The following WDR90 variants were observed in gnomAD, a reference collection of about 807,000 sequenced individuals.
WDR90 encodes WD repeat domain 90.
A neutral mutation model predicts 195.2 loss-of-function variants in WDR90; 238 were observed. That is an observed-to-expected ratio of 1.22 (90% CI 1.10 to 1.36). The LOEUF is 1.36. WDR90 is among the 40% of genes most tolerant of loss of function. The pLI, the probability that WDR90 is intolerant of heterozygous loss-of-function variation, is 0.00. For synonymous variants in WDR90, 1,265 were observed against 1,052.4 expected (o/e 1.20, Z -3.91); for missense variants, 2,734 against 2,439.5 (o/e 1.12, Z -2.54).
Position 662,335 on chromosome 16 carries a change from A to T in WDR90, c.4145+4A>T, listed in dbSNP as rs1249085436. 1.0e-5 allele frequency: 16 copies of T among 1,556,420 alleles called. No individual in the cohort carries two copies. Among genetic ancestry groups the T allele is most frequent in the Non-Finnish European group, 1.4e-5 (16 of 1,152,100 alleles). ...GGTGCAAGGGCTCAGGCGCCAGGTG[A>T]GCTGTTCACCCCTACGTGTTTTGGC... is the stretch of plus-strand genomic sequence containing the variant. On this transcript the variant is annotated splice_donor_region_variant and intron_variant, in intron 33 of 40. Transcript: ENST00000293879.
Position 659,367 on chromosome 16 carries a change from G to C in WDR90, c.3175G>C (p.Gly1059Arg). Reference protein sequence around the residue: ...RLGVCARPPEGGDGARDTRNS... With the variant: ...RLGVCARPPERGDGARDTRNS... ...GGGCGTCTGTGCCAGGCCTCCCGAA[G>C]GTGGCGATGGTGAGCAGCAGGGGTC... Residue 1059 changes from glycine to arginine, a missense_variant, in exon 26 of 41, where the codon GGT becomes CGT. Transcript: ENST00000293879. 3 of 1,591,636 alleles carry C rather than the reference G, an allele frequency of 1.9e-6. No homozygotes were observed. Among genetic ancestry groups the C allele is most frequent in the Non-Finnish European group, 2.6e-6 (3 of 1,170,264 alleles).
intron 33 of WDR90, 146 bp from the exon 34 acceptor site, chr16:662,533 A>G (rs2037939416): frequency 1.3e-5 from 17 of 1,267,280 alleles, no homozygotes; most frequent in East Asian, 4.8e-5. Flanking sequence ...CCCCAGCTCC[A>G]TGGGCTTTCT....
At position 666,315 on chromosome 16, in the gene WDR90, GC is replaced by G; in HGVS notation, c.4709del (p.Pro1570GlnfsTer15). On this transcript the variant is annotated frameshift_variant, in exon 37 of 41. Coordinates refer to ENST00000293879, the MANE Select transcript of WDR90 (RefSeq NM_145294.5). LOFTEE classifies it high-confidence loss of function. The stretch of plus-strand genomic sequence containing the variant: ...CCGTGTGCTGAGTGACCACCAGGGC[GC>G]CCCAATCTCTACCATCTGTGTCACG... ...TFRVLSDHQGAPISTICVTCK... is the reference protein window; with the variant it reads ...TFRVLSDHQGXPISTICVTCK... The G allele has an allele frequency of 6.2e-7, 1 of 1,612,700 alleles. No homozygotes were observed. Among genetic ancestry groups the G allele is most frequent in the Non-Finnish European group, 8.5e-7 (1 of 1,179,986 alleles).
At chr16:657,340 G>C (rs905151210) in intron 20 of WDR90, 119 bp downstream of exon 20, 87 of 1,404,252 alleles carry the variant, frequency 6.2e-5, no homozygotes, top group Non-Finnish European at 7.4e-5. Context: ...GGTCCTGTGG[G>C]GGGGCGTGGC....
rs1190214832 is a variant in WDR90, at chr16:661,066, C to G, written c.3407C>G (p.Thr1136Arg). ...CTGCGCACAGGCTTCTTTGCCTACA[C>G]GTGCGGCCGCCTGGTGGTGGTGGAG... is the stretch of plus-strand genomic sequence containing the variant. ...WRPDTGFFAYTCGRLVVVEDL... is the reference protein window; with the variant it reads ...WRPDTGFFAYRCGRLVVVEDL... The change falls in exon 29 of 41, where the codon ACG (threonine) becomes AGG (arginine). Residue 1136 changes from threonine to arginine, a missense_variant. Transcript: ENST00000293879. 3 of 1,510,098 alleles carry G rather than the reference C, an allele frequency of 2.0e-6. No individual in the cohort carries two copies. The highest frequency in any genetic ancestry group is 2.6e-6 in the Non-Finnish European group (3 of 1,132,740). 93.5% of individuals were successfully genotyped at this position (1,510,098 alleles called of 1,614,324 possible). A position where few individuals can be genotyped will look rare whatever the true frequency, so the allele number is the denominator to read the frequency against.
intron 10 of WDR90, among the ~76,000 whole-genome samples, chr16:652,974 G>A (rs1358222195): frequency 6.6e-6 from 1 of 152,224 alleles, no homozygotes; most frequent in East Asian, 1.9e-4. Context: ...GTGGCCTTGG[G>A]CCCTTGTCAG....
chr16:660,759 G>C (rs369592075), intron 28 of WDR90, 45 bp downstream of exon 28: 18 of 1,521,284 alleles, frequency 1.2e-5, no homozygotes, highest in African/African-American at 2.8e-5. Context: ...AGATGCGGCC[G>C]CGCGTGGTCC....
At chr16:651,395 G>A in intron 7 of WDR90, 129 bp downstream of exon 7, 2 of 1,208,228 alleles carry the variant, frequency 1.7e-6, no homozygotes, top group South Asian at 2.7e-5. Context: ...ACCCAGGGAA[G>A]CCCGTAGGTT....
Position 651,711 on chromosome 16 carries a change from T to C in WDR90, c.804T>C (p.Ser268=), listed in dbSNP as rs757327051. 1 of 1,613,096 alleles carries C rather than the reference T, an allele frequency of 6.2e-7. No homozygotes were observed. The highest frequency in any genetic ancestry group is 2.2e-5 in the East Asian group (1 of 44,878). The change falls in exon 8 of 41, where the codon AGT becomes AGC. Residue 268 remains serine, a synonymous_variant. Coordinates refer to ENST00000293879, the MANE Select transcript of WDR90 (RefSeq NM_145294.5). ...CCTCCAGCAAACCTGTGCGGTTCAG[T>C]GTGTCTCCAGTGGTCCAGACGCCCA... The part of the protein sequence containing the change: ...PVASSKPVRF[S]VSPVVQTPSP...
At chr16:662,999 G>T in intron 34 of WDR90, 155 bp downstream of exon 34, 1 of 1,166,404 alleles carries the variant, frequency 8.6e-7, no homozygotes, top group Non-Finnish European at 1.2e-6. Flanking sequence ...AGTCTTGGGT[G>T]TGCACGTCCC....
At chr16:652,879 A>G (rs1275571253) in intron 10 of WDR90, among the ~76,000 whole-genome samples, 1 of 152,136 alleles carries the variant, frequency 6.6e-6, no homozygotes, top group African/African-American at 2.4e-5. Flanking sequence ...GGCTGTGGGC[A>G]CAACCTGTAG....
rs1171474669 is a variant in WDR90, at chr16:660,091, G to A, written c.3218G>A (p.Arg1073His). 11 of 1,547,878 alleles carry A rather than the reference G, an allele frequency of 7.1e-6. 1 individual carries two copies. Among genetic ancestry groups the A allele is most frequent in the East Asian group, 2.4e-5 (1 of 41,362 alleles). Residue 1073 changes from arginine to histidine, a missense_variant, in exon 27 of 41, where the codon CGC becomes CAC. By Grantham distance (29) the Arg-to-His change is conservative. Coordinates refer to ENST00000293879, the MANE Select transcript of WDR90 (RefSeq NM_145294.5). ...ARDTRNSGAP[R>H]TTYLASCKAF... ...GACACCAGGAATTCGGGGGCCCCAC[G>A]CACCACCTACCTGGCTTCCTGCAAG...
rs375438285 is a variant in WDR90, at chr16:662,683, G to C, written c.4150G>C (p.Val1384Leu). Reference sequence around the variant, plus strand: ...TCCCTGCACCCTGAGGTCCAGTTCTGTGTTCATGGAACACGAGCTGGTGCT... The same window carrying C: ...TCCCTGCACCCTGAGGTCCAGTTCTCTGTTCATGGAACACGAGCTGGTGCT... ...LRCKGSGASS[V>L]FMEHELVLDG... Residue 1384 changes from valine (V) to leucine (L), a missense_variant, in exon 34 of 41, where the codon GTG becomes CTG. Physicochemically the swap from Val to Leu is conservative, Grantham distance 32. Transcript: ENST00000293879. The C allele has an allele frequency of 1.3e-6, 2 of 1,548,328 alleles. No individual in the cohort carries two copies. Among genetic ancestry groups the C allele is most frequent in the Admixed American group, 1.9e-5 (1 of 53,870 alleles).
chr16:651,783 G>C (rs755385464), intron 8 of WDR90, 36 bp downstream of exon 8: 2 of 1,612,550 alleles, frequency 1.2e-6, no homozygotes, highest in Admixed American at 3.3e-5. Context: ...ATGGGGTTGG[G>C]GTGTGATGGC....
intron 23 of WDR90, 86 bp from the exon 24 acceptor site, chr16:658,810 G>A: frequency 2.5e-6 from 4 of 1,578,674 alleles, no homozygotes; most frequent in Non-Finnish European, 3.4e-6. Flanking sequence ...CTCACACTGT[G>A]TGGGGCTCAC....
At chr16:656,706 C>T (rs768560030) in intron 18 of WDR90, 26 bp from the exon 19 acceptor site, 3 of 1,599,234 alleles carry the variant, frequency 1.9e-6, no homozygotes, top group East Asian at 2.2e-5. Context: ...CCCTGCCCTC[C>T]CCTCAGCACG....
chr16:666,851 G>T, intron 39 of WDR90, 54 bp from the exon 40 acceptor site: 1 of 1,612,904 alleles, frequency 6.2e-7, no homozygotes, highest in Non-Finnish European at 8.5e-7. Flanking sequence ...GGTGGGTGGG[G>T]CCTGGCTGAG....
chr16:653,681 G>T lies in WDR90; in HGVS notation c.1379+11G>T. 1.2e-6 allele frequency: 2 copies of T among 1,613,326 alleles called. No individual in the cohort carries two copies. Among genetic ancestry groups the T allele is most frequent in the Non-Finnish European group, 1.7e-6 (2 of 1,179,890 alleles). On this transcript the variant is annotated intron_variant, in intron 12 of 40. Coordinates refer to ENST00000293879, the MANE Select transcript of WDR90 (RefSeq NM_145294.5). ...TGTCTGCTCTCTCAGGTGAGCACAGGTCTGCCCCATGCAGGGGGAGGGGGT... is the reference window on the plus strand; with the variant it reads ...TGTCTGCTCTCTCAGGTGAGCACAGTTCTGCCCCATGCAGGGGGAGGGGGT...
Position 660,256 on chromosome 16 carries a change from G to A in WDR90, c.3288+95G>A, listed in dbSNP as rs907670460. 26 of 1,159,086 alleles carry A rather than the reference G, an allele frequency of 2.2e-5. No homozygotes were observed. In the East Asian group the frequency reaches 3.5e-4, roughly 15 times the overall value. The allele number at this position is 1,159,086 out of a possible 1,614,324, so 71.8% of individuals were successfully genotyped here. Reference sequence around the variant, plus strand: ...CACCTCCTCAGGGTTGCTTTTGGTCGCCAAAGGTGATGGCTCTGGCCCTTG... The same window carrying A: ...CACCTCCTCAGGGTTGCTTTTGGTCACCAAAGGTGATGGCTCTGGCCCTTG... On this transcript the variant is annotated intron_variant, in intron 27 of 40. Coordinates refer to ENST00000293879, the MANE Select transcript of WDR90 (RefSeq NM_145294.5).
Sources: allele counts gnomAD v4.1 joint callset (sites outside exome capture counted in the v4.1 genomes callset), GRCh38; gene constraint gnomAD v4.1.1; transcripts MANE v1.5; gene names NCBI Gene and HGNC (gene_info 2026-07-23, HGNC 2026-07-21).